Variants in DPP10 observed in about 807,000 individuals in gnomAD.
The protein encoded by DPP10 is inactive dipeptidyl peptidase 10.
In DPP10, 33 loss-of-function variants were observed where a neutral mutation model predicts 120.9. The observed-to-expected ratio is 0.27, with a 90% confidence interval of 0.21 to 0.37. The LOEUF is 0.37. Among genes scored for constraint, DPP10 ranks in the 10% least tolerant of loss-of-function variants. The pLI, the probability that DPP10 is intolerant of heterozygous loss-of-function variation, is 1.00. For missense variants in DPP10, 816 were observed against 942.8 expected (o/e 0.87, Z 1.76); for synonymous variants, 337 against 326.1 (o/e 1.03, Z -0.36).
intron 1 of DPP10, among the ~76,000 whole-genome samples, chr2:114,478,383 T>C (rs1057279014): frequency 6.6e-6 from 1 of 152,076 alleles, no homozygotes; most frequent in Non-Finnish European, 1.5e-5. Flanking sequence ...ACTGCAAACA[T>C]GCACCACAAG....
chr2:114,717,284 C>T (rs1701410698), intron 1 of DPP10, among the ~76,000 whole-genome samples: 1 of 152,190 alleles, frequency 6.6e-6, no homozygotes, highest in Non-Finnish European at 1.5e-5. Context: ...TCTGCGAATT[C>T]TCAGAGACTG....
chr2:115,795,525 A>G (rs1684440643), intron 19 of DPP10, among the ~76,000 whole-genome samples: 1 of 152,100 alleles, frequency 6.6e-6, no homozygotes. Flanking sequence ...CTGTCAGCCT[A>G]TGGATCAGGT....
chr2:115,184,521 G>A (rs1428122390), intron 1 of DPP10, among the ~76,000 whole-genome samples: 1 of 152,202 alleles, frequency 6.6e-6, no homozygotes, highest in Non-Finnish European at 1.5e-5. Context: ...TTTGAAGGCT[G>A]CCCTTGAGGA....
At chr2:114,721,893 G>A (rs563360892) in intron 1 of DPP10, among the ~76,000 whole-genome samples, 3 of 152,182 alleles carry the variant, frequency 2.0e-5, no homozygotes, top group African/African-American at 4.8e-5. Context: ...CTATCTGGGC[G>A]ACTTTTGGCA....
chr2:114,881,869 A>G (rs17043712), intron 1 of DPP10, among the ~76,000 whole-genome samples: 1,774 of 152,242 alleles, frequency 0.012, 21 homozygotes, highest in African/African-American at 0.04. Flanking sequence ...TTAACAGTCC[A>G]TAGTGTATAT....
rs184785886 is a variant in DPP10 at position 115,052,673 on chromosome 2, C to T, written c.61-256566C>T. ...TGGCTAAGAAAAATGGAAAACAGGC[C>T]GGGCGTGGTGGCTCACACCTATAAT... On this transcript the variant is annotated intron_variant, in intron 1 of 25. Transcript: ENST00000410059. 3.1e-4 allele frequency among the ~76,000 whole-genome samples: 47 copies of T among 152,208 alleles called. No individual in the cohort carries two copies. In the Middle Eastern group the frequency reaches 0.01, roughly 33 times the overall value.
intron 1 of DPP10, among the ~76,000 whole-genome samples, chr2:115,187,441 A>G (rs1296953936): frequency 6.6e-6 from 1 of 152,204 alleles, no homozygotes; most frequent in South Asian, 2.1e-4. Flanking sequence ...TTTTTCATAC[A>G]TACTAAATCT....
chr2:115,033,697 C>CTT (rs10693499), intron 1 of DPP10, among the ~76,000 whole-genome samples: 66,825 of 137,570 alleles, frequency 0.49, 16,623 homozygotes, highest in East Asian at 0.65. Flanking sequence ...ATCTTCCCTC[C>CTT]TTTTTTTTTT....
intron 1 of DPP10, among the ~76,000 whole-genome samples, chr2:114,751,827 G>A (rs961579757): frequency 6.6e-6 from 1 of 152,074 alleles, no homozygotes; most frequent in East Asian, 1.9e-4. Flanking sequence ...CTCCTGCCCC[G>A]TGATTTGGCT....
chr2:114,456,533 C>T (rs866552004), intron 1 of DPP10, among the ~76,000 whole-genome samples: 10 of 152,130 alleles, frequency 6.6e-5, no homozygotes, highest in Non-Finnish European at 1.2e-4. Flanking sequence ...TGTTGAATGT[C>T]AACCACAGTC....
intron 1 of DPP10, among the ~76,000 whole-genome samples, chr2:114,960,959 T>G (rs1369598453): frequency 6.6e-6 from 1 of 150,806 alleles, no homozygotes; most frequent in South Asian, 2.1e-4. Flanking sequence ...TTGTTTAAAT[T>G]TAAACAGATA....
At chr2:114,561,419 A>G (rs1688752324) in intron 1 of DPP10, among the ~76,000 whole-genome samples, 1 of 152,134 alleles carries the variant, frequency 6.6e-6, no homozygotes, top group Non-Finnish European at 1.5e-5. Flanking sequence ...ATCTGCACAC[A>G]TGTGCACATA....
intron 3 of DPP10, among the ~76,000 whole-genome samples, chr2:115,355,666 G>A (rs187670835): frequency 1.2e-4 from 18 of 152,084 alleles, no homozygotes; most frequent in Admixed American, 5.9e-4. Flanking sequence ...CTAGGTTTTC[G>A]TCTAGGGTTT....
At chr2:115,369,532 A>G (rs1451471613) in intron 3 of DPP10, among the ~76,000 whole-genome samples, 1 of 152,030 alleles carries the variant, frequency 6.6e-6, no homozygotes, top group Non-Finnish European at 1.5e-5. Flanking sequence ...TTATAACTGA[A>G]CTTAAGGGTG....
At chr2:115,216,869 A>ACATATATAC (rs2056855466) in intron 1 of DPP10, among the ~76,000 whole-genome samples, 1 of 148,020 alleles carries the variant, frequency 6.8e-6, no homozygotes, top group Non-Finnish European at 1.5e-5. Context: ...ATTTGGACAT[A>ACATATATAC]GACATATACG....
chr2:115,076,875 C>A (rs1170688945), intron 1 of DPP10, among the ~76,000 whole-genome samples: 1 of 152,142 alleles, frequency 6.6e-6, no homozygotes, highest in Non-Finnish European at 1.5e-5. Context: ...ATATTTCTTT[C>A]TTGCTGTAGA....
intron 1 of DPP10, among the ~76,000 whole-genome samples, chr2:114,508,196 A>G (rs1241311873): frequency 4.6e-5 from 7 of 152,166 alleles, no homozygotes; most frequent in Non-Finnish European, 1.0e-4. Context: ...CCTTACACTG[A>G]AGCTATAAAA....
intron 5 of DPP10, among the ~76,000 whole-genome samples, chr2:115,666,426 T>C (rs1028461754): frequency 6.6e-6 from 1 of 152,062 alleles, no homozygotes; most frequent in African/African-American, 2.4e-5. Context: ...GAGAACATCA[T>C]GGAAGAAAAC....
intron 5 of DPP10, among the ~76,000 whole-genome samples, chr2:115,644,178 T>C (rs974078268): frequency 6.6e-6 from 1 of 151,994 alleles, no homozygotes; most frequent in Non-Finnish European, 1.5e-5. Flanking sequence ...ATATTTTTAT[T>C]ATACTTTAAG....
Sources: gnomAD v4.1 joint callset for allele counts (sites outside exome capture counted in the v4.1 genomes callset) on GRCh38, gnomAD v4.1.1 for gene constraint, MANE v1.5 for transcripts, NCBI Gene and HGNC (gene_info 2026-07-23, HGNC 2026-07-21) for gene names.